The following CLTRN variants were observed in gnomAD, a reference collection of about 807,000 sequenced individuals.
The protein encoded by CLTRN is collectrin.
Under a neutral mutation model 14.5 loss-of-function variants are expected in CLTRN, and 12 were observed. The observed-to-expected ratio is 0.83, with a 90% CI of 0.53 to 1.34. CLTRN has a LOEUF of 1.34. Among genes scored for constraint, CLTRN ranks in the 40% most tolerant of loss-of-function variants. The pLI is 0.00. For synonymous variants in CLTRN, 58 were observed against 56.5 expected, an observed-to-expected ratio of 1.03 and a Z score of -0.12; for missense variants, 154 against 165.1, an observed-to-expected ratio of 0.93 and a Z score of 0.37.
chrX:15,668,941 TTTG>T (rs1034148094), upstream of CLTRN, among the ~76,000 whole-genome samples: 11 of 112,032 alleles, frequency 9.8e-5, no homozygotes, highest in South Asian at 3.7e-4. Context: ...AATATCTACT[TTTG>T]TTGTTATGTT....
upstream of CLTRN, chrX:15,664,896 A>G: frequency 1.8e-6 from 1 of 569,955 alleles, no homozygotes; most frequent in South Asian, 2.9e-5. Flanking sequence ...AGCCACCACC[A>G]AAAAGGTTTA....
intron 3 of CLTRN, among the ~76,000 whole-genome samples, chrX:15,655,439 C>T (rs1370131334): frequency 3.6e-5 from 4 of 111,580 alleles, no homozygotes; most frequent in African/African-American, 1.3e-4. Context: ...CTGATTTCCT[C>T]CACCTCGCCT....
At chrX:15,657,013 T>C (rs1021363421) in intron 3 of CLTRN, among the ~76,000 whole-genome samples, 14 of 110,094 alleles carry the variant, frequency 1.3e-4, no homozygotes, top group Non-Finnish European at 2.1e-4. Context: ...TTTTTTTTTT[T>C]TTTGAGACAG....
rs753295306 is a variant in CLTRN, at chrX:15,670,308, AACACACACAC to A, written c.-505-2382_-505-2373del. Among the ~76,000 whole-genome samples the A allele has an allele frequency of 1.9e-3, 164 of 86,296 alleles. 1 individual carries two copies. Among genetic ancestry groups the A allele is most frequent in the African/African-American group, 5.9e-3 (138 of 23,367 alleles). The allele number at this position is 86,296 out of a possible 115,157, so 74.9% of individuals were successfully genotyped here. ...TAAAAAAAACAAAAACCAAAAACAAAACACACACACACACACACACACACACACACACACA... is the reference window on the plus strand; with the variant it reads ...TAAAAAAAACAAAAACCAAAAACAAAACACACACACACACACACACACACA... On this transcript the variant is annotated intron_variant, in intron 1 of 6. Coordinates refer to the CLTRN transcript ENST00000650271.
chrX:15,649,941 C>T (rs768864209), intron 3 of CLTRN, among the ~76,000 whole-genome samples: 3 of 106,537 alleles, frequency 2.8e-5, no homozygotes, highest in African/African-American at 6.9e-5. Flanking sequence ...ATAAGTCTAC[C>T]GTGGTTATTT....
At chrX:15,657,062 C>T (rs1929386440) in intron 3 of CLTRN, among the ~76,000 whole-genome samples, 1 of 109,803 alleles carries the variant, frequency 9.1e-6, no homozygotes. Context: ...GCAGTGGCAC[C>T]ATCATAGTTC....
chrX:15,641,691 C>CTA (rs1928948337), intron 4 of CLTRN, among the ~76,000 whole-genome samples: 1 of 106,451 alleles, frequency 9.4e-6, no homozygotes, highest in Non-Finnish European at 1.9e-5. Context: ...CAGGGTCTTG[C>CTA]TATATTGCCC....
intron 2 of CLTRN, among the ~76,000 whole-genome samples, chrX:15,660,729 C>T (rs374133529): frequency 2.7e-5 from 3 of 109,577 alleles, no homozygotes; most frequent in East Asian, 5.7e-4. Flanking sequence ...ATTGCTTGAA[C>T]CTGGGAAGTG....
At chrX:15,654,014 G>A (rs1929288726) in intron 3 of CLTRN, among the ~76,000 whole-genome samples, 1 of 112,488 alleles carries the variant, frequency 8.9e-6, no homozygotes, top group South Asian at 3.7e-4. Flanking sequence ...GCCCTGGTCT[G>A]AAGGTTTCTC....
chrX:15,628,188 G>A (rs1928608592), intron 5 of CLTRN, 61 bp from the exon 6 acceptor site: 1 of 883,915 alleles, frequency 1.1e-6, no homozygotes, highest in Non-Finnish European at 1.5e-6. Flanking sequence ...GGTTGCATAT[G>A]GTCTTCTGAA....
chrX:15,674,472 T>C (rs141032303), intron 1 of CLTRN, among the ~76,000 whole-genome samples: 12 of 112,243 alleles, frequency 1.1e-4, no homozygotes, highest in African/African-American at 3.9e-4. Flanking sequence ...TTCCAGTTTA[T>C]CTCCATATCG....
intron 1 of CLTRN, among the ~76,000 whole-genome samples, chrX:15,670,114 A>G (rs1210878663): frequency 8.2e-5 from 9 of 109,442 alleles, no homozygotes; most frequent in African/African-American, 3.0e-4. Flanking sequence ...CCTCTCTACA[A>G]AAAGTACAAA....
At chrX:15,646,627 T>G in intron 3 of CLTRN, 2 of 341,689 alleles carry the variant, frequency 5.9e-6, no homozygotes, top group Non-Finnish European at 1.2e-5. Flanking sequence ...TACGCCCGCA[T>G]CCGCATCCGG....
At chrX:15,663,299 T>A (rs1386006261) in intron 2 of CLTRN, among the ~76,000 whole-genome samples, 2 of 112,428 alleles carry the variant, frequency 1.8e-5, no homozygotes, top group African/African-American at 6.5e-5. Context: ...GATACTGGGA[T>A]GGCCAACCCT....
At chrX:15,664,606 T>G (rs1373300533) in intron 1 of CLTRN, 112 bp downstream of exon 1, 2 of 812,222 alleles carry the variant, frequency 2.5e-6, no homozygotes, top group East Asian at 3.1e-5. Context: ...TGCCCCAACT[T>G]TCAAGCCACA....
At chrX:15,646,450 A>G (rs1929069846) in intron 3 of CLTRN, 2 of 315,218 alleles carry the variant, frequency 6.3e-6, no homozygotes, top group Non-Finnish European at 1.2e-5. Context: ...TGGGCCAGAA[A>G]ACCGCGCACC....
intron 5 of CLTRN, among the ~76,000 whole-genome samples, chrX:15,635,752 C>A (rs1928802801): frequency 9.0e-6 from 1 of 111,584 alleles, no homozygotes; most frequent in African/African-American, 3.3e-5. Flanking sequence ...AAAACAAATT[C>A]AAAAATAGAC....
intron 3 of CLTRN, among the ~76,000 whole-genome samples, chrX:15,651,299 T>G (rs114604207): frequency 2.0e-4 from 22 of 111,306 alleles, no homozygotes; most frequent in African/African-American, 7.2e-4. Flanking sequence ...ACAGCGGCCT[T>G]CAGATTCCGT....
At chrX:15,675,360 G>C (rs1929818620), upstream of CLTRN, among the ~76,000 whole-genome samples, 1 of 110,622 alleles carries the variant, frequency 9.0e-6, no homozygotes, top group Non-Finnish European at 1.9e-5. Context: ...ACCGGCAAGG[G>C]AGGTGGCGCG....
Sources: allele counts gnomAD v4.1 joint callset (sites outside exome capture counted in the v4.1 genomes callset), GRCh38; gene constraint gnomAD v4.1.1; transcripts MANE v1.5; gene names NCBI Gene and HGNC (gene_info 2026-07-23, HGNC 2026-07-21).